The following KCMF1 variants were observed in gnomAD, a reference collection of about 807,000 sequenced individuals.
The protein encoded by KCMF1 is potassium channel modulatory factor 1.
Under a neutral mutation model 41.1 loss-of-function variants are expected in KCMF1, and 3 were observed. That is an observed-to-expected ratio of 0.07 (90% confidence interval 0.03 to 0.19). The LOEUF is 0.19. KCMF1 is among the 10% of genes least tolerant of loss of function. The probability of loss-of-function intolerance (pLI) is 1.00; values close to 1 mark genes in which losing one functional copy is unlikely to be tolerated. For missense variants in KCMF1, 286 were observed against 488.9 expected, an observed-to-expected ratio of 0.58 and a Z score of 3.91; for synonymous variants, 142 against 164.5, an observed-to-expected ratio of 0.86 and a Z score of 1.04.
At position 85,049,589 on chromosome 2, in the gene KCMF1, C is replaced by T. The variant is rs780754196; in HGVS notation, c.825C>T (p.Asn275=). Residue 275 remains asparagine (N), a synonymous_variant, in exon 6 of 7, where the codon AAC becomes AAT. Coordinates refer to ENST00000409785, the MANE Select transcript of KCMF1 (RefSeq NM_020122.5). ...TTITQSTATT[N]IANTESSQQT... is the part of the protein sequence containing the mutation. Reference sequence around the variant, plus strand: ...TCACACAATCCACAGCAACAACCAACATAGCTAATACAGAAAGCAGTCAGC... The same window carrying T: ...TCACACAATCCACAGCAACAACCAATATAGCTAATACAGAAAGCAGTCAGC... 40 of 1,613,842 alleles carry T rather than the reference C, an allele frequency of 2.5e-5. No individual in the cohort carries two copies. The highest frequency in any genetic ancestry group is 4.2e-6 in the Non-Finnish European group (5 of 1,179,844).
At chr2:84,978,840 C>T (rs1006245749) in intron 1 of KCMF1, among the ~76,000 whole-genome samples, 2 of 152,092 alleles carry the variant, frequency 1.3e-5, no homozygotes, top group South Asian at 2.1e-4. Flanking sequence ...CTCAGCCTCC[C>T]GAGTAGCTGG....
chr2:85,004,511 C>CA (rs973927224), intron 1 of KCMF1, among the ~76,000 whole-genome samples: 53 of 149,126 alleles, frequency 3.6e-4, no homozygotes, highest in Admixed American at 3.1e-3. Flanking sequence ...GACTCCATCT[C>CA]AAAAAAAAAT....
chr2:84,990,783 C>T (rs1674023048), intron 1 of KCMF1, among the ~76,000 whole-genome samples: 1 of 152,010 alleles, frequency 6.6e-6, no homozygotes, highest in Non-Finnish European at 1.5e-5. Context: ...GTATAAAAGT[C>T]CTGAGTTGGA....
intron 1 of KCMF1, among the ~76,000 whole-genome samples, chr2:85,012,505 T>C (rs1674676326): frequency 6.6e-6 from 1 of 152,216 alleles, no homozygotes; most frequent in African/African-American, 2.4e-5. Context: ...TCCTTCTTTC[T>C]TTTCCGTATT....
chr2:84,997,524 C>G (rs1393889641), intron 1 of KCMF1, among the ~76,000 whole-genome samples: 1 of 152,076 alleles, frequency 6.6e-6, no homozygotes, highest in Non-Finnish European at 1.5e-5. Context: ...CCATGGTCTC[C>G]TCTTAAGAGG....
intron 2 of KCMF1, among the ~76,000 whole-genome samples, chr2:85,029,190 T>TTGAACTCC (rs201626140): frequency 0.15 from 23,301 of 151,742 alleles, 2,732 homozygotes; most frequent in East Asian, 0.35. Flanking sequence ...CAGGCTGGTC[T>TTGAACTCC]TGACCTCAAG....
rs1163405427 is a variant in KCMF1, at chr2:85,006,295, C to CTTT, written c.17-21573_17-21571dup. ...CTTACCCACTAAATATTCTCATTTT[C>CTTT]TTTTTTTTTTTTTTTTTTTTTTTGA... On this transcript the variant is annotated intron_variant, in intron 1 of 6. Transcript: ENST00000409785. Among the ~76,000 whole-genome samples the CTTT allele has an allele frequency of 3.3e-3, 313 of 94,228 alleles. 5 individuals carry two copies. The highest frequency in any genetic ancestry group is 0.01 in the East Asian group (29 of 2,792). 61.8% of individuals were successfully genotyped at this position (94,228 alleles called of 152,430 possible).
intron 1 of KCMF1, among the ~76,000 whole-genome samples, chr2:85,005,153 C>T (rs370493970): frequency 1.3e-5 from 2 of 151,774 alleles, no homozygotes; most frequent in African/African-American, 2.4e-5. Context: ...AAGATCCACC[C>T]GCCTCAGCCT....
At chr2:85,023,438 C>T (rs905208449) in intron 1 of KCMF1, among the ~76,000 whole-genome samples, 1 of 151,174 alleles carries the variant, frequency 6.6e-6, no homozygotes, top group African/African-American at 2.4e-5. Context: ...CCTGCCTCAG[C>T]TTCCTGAGTA....
intron 1 of KCMF1, among the ~76,000 whole-genome samples, chr2:85,009,211 ACTTC>A (rs1239765708): frequency 6.6e-6 from 1 of 152,040 alleles, no homozygotes; most frequent in African/African-American, 2.4e-5. Context: ...AGTGTGTGGC[ACTTC>A]CCCTTTCGTG....
At chr2:85,020,854 C>T (rs1674915166) in intron 1 of KCMF1, among the ~76,000 whole-genome samples, 1 of 152,150 alleles carries the variant, frequency 6.6e-6, no homozygotes, top group Non-Finnish European at 1.5e-5. Context: ...ATAGCACTTA[C>T]TTCCACCTTG....
In KCMF1 at chr2:85,020,132, A is replaced by G. The variant is rs565633778; in HGVS notation, c.17-7757A>G. On this transcript the variant is annotated intron_variant, in intron 1 of 6. Transcript: ENST00000409785. ...CAGCATCTTTTTACTGAAAGATAAG[A>G]GTGTCAGTATCACCATGCACAGTTG... is the stretch of plus-strand genomic sequence containing the variant. Among the ~76,000 whole-genome samples the G allele has an allele frequency of 1.4e-4, 22 of 152,216 alleles. No homozygotes were observed. The South Asian group carries it at 4.2e-3, about 29-fold the overall frequency.
chr2:85,043,462 G>C lies in KCMF1; in HGVS notation c.325-102G>C. 3 of 729,890 alleles carry C rather than the reference G, an allele frequency of 4.1e-6. 1 individual carries two copies. The South Asian group carries it at 4.5e-5, about 11-fold the overall frequency. The allele number at this position is 729,890 out of a possible 1,614,324, so 45.2% of individuals were successfully genotyped here. On this transcript the variant is annotated intron_variant, in intron 3 of 6. Transcript: ENST00000409785. ...TTTAGGATCTGCTGTGTTTTCTGTT[G>C]GTTAAAACTTGATAATAGTAAAACT...
At chr2:85,025,178 G>A (rs1675061299) in intron 1 of KCMF1, among the ~76,000 whole-genome samples, 1 of 152,010 alleles carries the variant, frequency 6.6e-6, no homozygotes, top group African/African-American at 2.4e-5. Context: ...CCACAAATCT[G>A]TTGACATTTT....
intron 2 of KCMF1, among the ~76,000 whole-genome samples, chr2:85,033,960 A>G (rs1411065173): frequency 6.6e-6 from 1 of 151,254 alleles, no homozygotes; most frequent in Non-Finnish European, 1.5e-5. Flanking sequence ...AGGTGGGAGG[A>G]TGACTTGAGC....
intron 1 of KCMF1, among the ~76,000 whole-genome samples, chr2:85,008,689 A>G (rs1419220503): frequency 2.0e-5 from 3 of 151,788 alleles, no homozygotes; most frequent in African/African-American, 7.3e-5. Context: ...AAGCCACTCA[A>G]CTTTCATGCT....
At chr2:85,016,434 T>TAA (rs71890895) in intron 1 of KCMF1, among the ~76,000 whole-genome samples, 1,700 of 150,670 alleles carry the variant, frequency 0.011, 27 homozygotes, top group African/African-American at 0.039. Context: ...GAAAGCTCTC[T>TAA]AAAAAAAAAC....
intron 2 of KCMF1, among the ~76,000 whole-genome samples, chr2:85,029,244 G>A (rs1472911360): frequency 2.6e-5 from 4 of 152,012 alleles, no homozygotes; most frequent in African/African-American, 4.8e-5. Flanking sequence ...GATTACAGAC[G>A]TGAGCCACCA....
chr2:85,042,965 G>A lies in KCMF1; in HGVS notation c.325-599G>A, dbSNP rs553613149. Among the ~76,000 whole-genome samples, 29 of 152,240 alleles carry A rather than the reference G, an allele frequency of 1.9e-4. No individual in the cohort carries two copies. The East Asian group carries it at 5.2e-3, about 27-fold the overall frequency. ...AGCCTGACCTGGTTACAAGCTTCTG[G>A]CCTACCACCCCATTTCTTCAGGAAA... On this transcript the variant is annotated intron_variant, in intron 3 of 6. Coordinates refer to ENST00000409785, the MANE Select transcript of KCMF1 (RefSeq NM_020122.5).
Sources: gnomAD v4.1 joint callset for allele counts (sites outside exome capture counted in the v4.1 genomes callset) on GRCh38, gnomAD v4.1.1 for gene constraint, MANE v1.5 for transcripts, NCBI Gene and HGNC (gene_info 2026-07-23, HGNC 2026-07-21) for gene names.